The following SLC44A1 variants were observed in gnomAD, a reference collection of about 807,000 sequenced individuals.
SLC44A1 encodes the protein solute carrier family 44 member 1.
A neutral mutation model predicts 79.3 loss-of-function variants in SLC44A1; 26 were observed. That is an observed-to-expected ratio of 0.33 (90% CI 0.24 to 0.46). The LOEUF is 0.46. SLC44A1 is among the 20% of genes least tolerant of loss of function. The pLI, the probability that SLC44A1 is intolerant of heterozygous loss-of-function variation, is 1.00. For synonymous variants in SLC44A1, 263 were observed against 286.2 expected (o/e 0.92, Z 0.82); for missense variants, 688 against 798.1 (o/e 0.86, Z 1.66).
intron 12 of SLC44A1, among the ~76,000 whole-genome samples, chr9:105,369,933 A>G (rs929922598): frequency 3.3e-5 from 5 of 152,260 alleles, no homozygotes; most frequent in African/African-American, 9.6e-5. Flanking sequence ...GCTAACAGGC[A>G]TCCTTTAAAA....
intron 5 of SLC44A1, among the ~76,000 whole-genome samples, chr9:105,353,440 A>G (rs1338970479): frequency 6.6e-6 from 1 of 151,626 alleles, no homozygotes; most frequent in African/African-American, 2.4e-5. Flanking sequence ...AAGAAAAAAA[A>G]CACTGAACAT....
At chr9:105,419,966 T>C (rs987911761) in intron 15 of SLC44A1, among the ~76,000 whole-genome samples, 1 of 150,310 alleles carries the variant, frequency 6.7e-6, no homozygotes, top group African/African-American at 2.5e-5. Context: ...TGCTGCCTGC[T>C]CTGAGAGTTG....
rs1489995386 is a variant in SLC44A1, at chr9:105,421,956, A to T, written c.1951-16325A>T. On this transcript the variant is annotated intron_variant, in intron 15 of 15. Coordinates refer to the SLC44A1 transcript ENST00000374724. ...TATTTTTCAGTCTTGCACAGGCCTA[A>T]CTTTTCCAGTAAGTTCGGACCTCTG... 2.0e-5 allele frequency among the ~76,000 whole-genome samples: 3 copies of T among 152,150 alleles called. No individual in the cohort carries two copies. The East Asian group carries it at 5.8e-4, about 29-fold the overall frequency.
At chr9:105,428,266 G>A (rs1829348179) in intron 15 of SLC44A1, among the ~76,000 whole-genome samples, 1 of 151,914 alleles carries the variant, frequency 6.6e-6, no homozygotes, top group Non-Finnish European at 1.5e-5. Flanking sequence ...TATAAATTAA[G>A]ATACAATTTA....
chr9:105,249,812 G>T (rs1196249649), intron 1 of SLC44A1, among the ~76,000 whole-genome samples: 1 of 151,488 alleles, frequency 6.6e-6, no homozygotes, highest in Admixed American at 6.6e-5. Context: ...TGGGATTACA[G>T]GCATGAGCCT....
At chr9:105,386,437 C>T in intron 15 of SLC44A1, 1 of 984,148 alleles carries the variant, frequency 1.0e-6, no homozygotes, top group Non-Finnish European at 1.2e-6. Flanking sequence ...GAGGTAAGGA[C>T]TTTCCTTTCT....
At position 105,432,761 on chromosome 9, in the gene SLC44A1, T is replaced by A. The variant is rs142339662; in HGVS notation, c.1951-5520T>A. 4.6e-5 allele frequency among the ~76,000 whole-genome samples: 7 copies of A among 152,304 alleles called. No homozygotes were observed. The East Asian group carries it at 1.2e-3, about 25-fold the overall frequency. ...GCTCAGTGCAAGTACTATTGCAGCG[T>A]TATTACAGCAAGCTCAGAAAGACAG... On this transcript the variant is annotated intron_variant, in intron 15 of 15. Transcript: ENST00000374724.
chr9:105,286,894 T>A (rs2131264913), intron 1 of SLC44A1, among the ~76,000 whole-genome samples: 2 of 152,208 alleles, frequency 1.3e-5, no homozygotes, highest in Middle Eastern at 6.8e-3. Context: ...AGCCCAGAAG[T>A]TTGAGGCTGC....
intron 15 of SLC44A1, among the ~76,000 whole-genome samples, chr9:105,407,999 T>C (rs1452604948): frequency 6.6e-6 from 1 of 151,972 alleles, no homozygotes; most frequent in Non-Finnish European, 1.5e-5. Flanking sequence ...AAACCCTGTC[T>C]ATACTAAAGA....
At chr9:105,262,155 T>C (rs1271486952) in intron 1 of SLC44A1, among the ~76,000 whole-genome samples, 1 of 152,166 alleles carries the variant, frequency 6.6e-6, no homozygotes, top group African/African-American at 2.4e-5. Flanking sequence ...CTTGCTAGAT[T>C]TTAAACTAAT....
chr9:105,399,730 TTAA>T (rs1168473369), downstream of SLC44A1, among the ~76,000 whole-genome samples: 3 of 13,566 alleles, frequency 2.2e-4, no homozygotes, highest in African/African-American at 7.9e-4. Flanking sequence ...ATACATTGGA[TTAA>T]TGTTTATAAT....
intron 4 of SLC44A1, among the ~76,000 whole-genome samples, chr9:105,340,946 A>G (rs1011653652): frequency 3.9e-5 from 6 of 152,234 alleles, no homozygotes; most frequent in Non-Finnish European, 4.4e-5. Context: ...TATGACTACA[A>G]TAGACAGTTT....
At chr9:105,436,459 T>C (rs1248180655) in intron 15 of SLC44A1, among the ~76,000 whole-genome samples, 1 of 152,174 alleles carries the variant, frequency 6.6e-6, no homozygotes, top group Non-Finnish European at 1.5e-5. Flanking sequence ...GGAGCTTCTA[T>C]AGTCCCAGCT....
Position 105,396,805 on chromosome 9 carries a change from C to G in SLC44A1, c.*7749C>G, listed in dbSNP as rs1828886144. The G allele has an allele frequency of 1.0e-6, 1 of 984,054 alleles. No homozygotes were observed. Among genetic ancestry groups the G allele is most frequent in the Admixed American group, 6.2e-5 (1 of 16,150 alleles). 61.0% of individuals were successfully genotyped at this position (984,054 alleles called of 1,614,324 possible). ...TTGTCTTGTCTTTGTCCATTATAAA[C>G]TGGAGGATCACAGTTAAGCCTTCCA... On this transcript the variant is annotated 3_prime_UTR_variant, in exon 16 of 16. Coordinates refer to ENST00000374720, the MANE Select transcript of SLC44A1 (RefSeq NM_080546.5).
At chr9:105,314,820 TGA>T (rs1233474110) in intron 3 of SLC44A1, among the ~76,000 whole-genome samples, 1 of 152,240 alleles carries the variant, frequency 6.6e-6, no homozygotes, top group Non-Finnish European at 1.5e-5. Context: ...AATCAGAGTG[TGA>T]GTTTTACTTC....
chr9:105,329,604 A>G (rs1175527524), intron 3 of SLC44A1, among the ~76,000 whole-genome samples: 1 of 152,100 alleles, frequency 6.6e-6, no homozygotes, highest in Non-Finnish European at 1.5e-5. Context: ...TTCCGTGGCC[A>G]TTTGAGTACG....
At chr9:105,432,659 T>C (rs2812305) in intron 15 of SLC44A1, among the ~76,000 whole-genome samples, 2,818 of 152,308 alleles carry the variant, frequency 0.019, 42 homozygotes, top group Non-Finnish European at 0.028. Flanking sequence ...GTATAGTTTG[T>C]GTCTGGTAAT....
intron 14 of SLC44A1, 67 bp downstream of exon 14, chr9:105,383,426 A>G (rs1437054490): frequency 3.4e-6 from 3 of 893,580 alleles, no homozygotes; most frequent in Admixed American, 1.9e-5. Flanking sequence ...TTTGTAAAAC[A>G]TTCTCTATAT....
intron 1 of SLC44A1, among the ~76,000 whole-genome samples, chr9:105,272,336 G>A (rs955571499): frequency 1.3e-5 from 2 of 152,132 alleles, no homozygotes; most frequent in Admixed American, 1.3e-4. Context: ...TTGGGATCAA[G>A]GAGAGGGGCT....
Sources: allele counts gnomAD v4.1 joint callset (sites outside exome capture counted in the v4.1 genomes callset), GRCh38; gene constraint gnomAD v4.1.1; transcripts MANE v1.5; gene names NCBI Gene and HGNC (gene_info 2026-07-23, HGNC 2026-07-21).